The following MVK variants were observed in gnomAD, a reference collection of about 807,000 sequenced individuals.
MVK encodes mevalonate kinase.
In MVK, 34 loss-of-function variants were observed where a neutral mutation model predicts 43.2. That is an observed-to-expected ratio of 0.79 (90% confidence interval 0.60 to 1.05). MVK has a LOEUF of 1.05. MVK is among the 50% of genes least tolerant of loss of function. MVK has a pLI of 0.00. For missense variants in MVK, 395 were observed against 504.0 expected (o/e 0.78, Z 2.07); for synonymous variants, 190 against 219.8 (o/e 0.86, Z 1.20).
intron 5 of MVK, among the ~76,000 whole-genome samples, chr12:109,583,178 A>T (rs1885301320): frequency 1.3e-5 from 2 of 151,626 alleles, no homozygotes; most frequent in Admixed American, 1.3e-4. Context: ...TACATGTGCC[A>T]TGCTGGTGTG....
intron 5 of MVK, among the ~76,000 whole-genome samples, chr12:109,583,726 G>T (rs1885322677): frequency 6.6e-6 from 1 of 152,204 alleles, no homozygotes; most frequent in Admixed American, 6.5e-5. Flanking sequence ...CAGTGTAAAA[G>T]TGTTCCTATT....
At chr12:109,573,566 G>T (rs753337921), upstream of MVK, 3 of 1,473,738 alleles carry the variant, frequency 2.0e-6, no homozygotes, top group Non-Finnish European at 2.8e-6. Context: ...CCGCGCCACC[G>T]CTCAGGTTTC....
Position 109,591,325 on chromosome 12 carries a change from G to GCC in MVK, c.856_857dup (p.Ala287GlnfsTer15). Reference sequence around the variant, plus strand: ...GCGCGTGCTGGGAGAGATGGGGGAAGCCCCAGCCCCGGAGCAGTACCTCGT... The same window carrying GCC: ...GCGCGTGCTGGGAGAGATGGGGGAAGCCCCCCAGCCCCGGAGCAGTACCTCGT... On this transcript the variant is annotated frameshift_variant, in exon 9 of 11. Coordinates refer to ENST00000228510, the MANE Select transcript of MVK (RefSeq NM_000431.4). LOFTEE classifies it high-confidence loss of function. The GCC allele has an allele frequency of 6.2e-7, 1 of 1,614,034 alleles. No homozygotes were observed. The highest frequency in any genetic ancestry group is 8.5e-7 in the Non-Finnish European group (1 of 1,180,026).
intron 5 of MVK, among the ~76,000 whole-genome samples, chr12:109,584,002 T>TA: frequency 6.6e-6 from 1 of 152,346 alleles, no homozygotes; most frequent in East Asian, 1.9e-4. Flanking sequence ...GCTAAGAGCT[T>TA]GGGCTCCAAG....
At chr12:109,573,587 G>T, upstream of MVK, 1 of 1,342,634 alleles carries the variant, frequency 7.4e-7, no homozygotes, top group Non-Finnish European at 1.0e-6. Context: ...AATTTTTATT[G>T]GTTCGCAGTT....
intron 2 of MVK, among the ~76,000 whole-genome samples, chr12:109,575,732 T>C (rs906826865): frequency 2.6e-5 from 4 of 152,142 alleles, no homozygotes; most frequent in African/African-American, 4.8e-5. Flanking sequence ...ATTGAAAACA[T>C]GGTGATTATG....
At chr12:109,584,191 T>TA (rs1304572859) in intron 5 of MVK, among the ~76,000 whole-genome samples, 2 of 152,246 alleles carry the variant, frequency 1.3e-5, no homozygotes, top group Non-Finnish European at 2.9e-5. Flanking sequence ...GAGAAAGCAT[T>TA]TAGCACAATG....
intron 3 of MVK, among the ~76,000 whole-genome samples, chr12:109,578,946 A>T (rs772042068): frequency 1.4e-4 from 21 of 152,154 alleles, no homozygotes; most frequent in Non-Finnish European, 2.9e-4. Context: ...CTGCCCAGGC[A>T]CCGCCTCGCA....
chr12:109,576,641 C>T (rs559330600), intron 3 of MVK, among the ~76,000 whole-genome samples: 14 of 152,114 alleles, frequency 9.2e-5, no homozygotes, highest in African/African-American at 2.2e-4. Flanking sequence ...GAGGCCAAGG[C>T]GGGCGGATCA....
chr12:109,573,602 C>A (rs1447802772), upstream of MVK: 2 of 1,213,530 alleles, frequency 1.6e-6, no homozygotes, highest in African/African-American at 1.5e-5. Flanking sequence ...GCAGTTCTCA[C>A]CCCAGGGCGG....
In MVK at chr12:109,574,746, A is replaced by T; in HGVS notation, c.-14-63A>T. On this transcript the variant is annotated intron_variant, in intron 1 of 10. Coordinates refer to ENST00000228510, the MANE Select transcript of MVK (RefSeq NM_000431.4). ...ATGGGCTTGAACTAGGTGTTCTAAGATCTCTTCCTGCTGGTTCTGACATCT... is the reference window on the plus strand; with the variant it reads ...ATGGGCTTGAACTAGGTGTTCTAAGTTCTCTTCCTGCTGGTTCTGACATCT... The T allele has an allele frequency of 1.3e-5, 18 of 1,368,282 alleles. No homozygotes were observed. The South Asian group carries it at 2.1e-4, about 16-fold the overall frequency. The allele number at this position is 1,368,282 out of a possible 1,614,324, so 84.8% of individuals were successfully genotyped here. A position where few individuals can be genotyped will look rare whatever the true frequency, so the allele number is the denominator to read the frequency against.
rs1334018662 is a variant in MVK, at chr12:109,595,818, C to T, written c.1040-608C>T. Among the ~76,000 whole-genome samples the T allele has an allele frequency of 6.6e-6, 1 of 152,116 alleles. No homozygotes were observed. The highest frequency in any genetic ancestry group is 2.4e-5 in the African/African-American group (1 of 41,402). On this transcript the variant is annotated intron_variant, in intron 10 of 10. Transcript: ENST00000228510. This position sits in a 1 kb window ranked among gnomAD's most constrained non-coding sequence, Gnocchi z 5.9. ...TCCTTCTTTCTCTTTCTGTCTTTATCTCCTCCTCTCTGTTCTTCATCCTTC... is the reference window on the plus strand; with the variant it reads ...TCCTTCTTTCTCTTTCTGTCTTTATTTCCTCCTCTCTGTTCTTCATCCTTC...
At chr12:109,587,234 G>A (rs1885475798) in intron 7 of MVK, 1 of 251,370 alleles carries the variant, frequency 4.0e-6, no homozygotes, top group African/African-American at 2.2e-5. Flanking sequence ...GCCGCCACAG[G>A]ACAATGTGAG....
intron 4 of MVK, 116 bp from the exon 5 acceptor site, chr12:109,581,279 C>G (rs911140854): frequency 7.4e-7 from 1 of 1,342,908 alleles, no homozygotes; most frequent in Non-Finnish European, 1.1e-6. Flanking sequence ...AATTCTCCCC[C>G]AGTTGAGAAA....
intron 8 of MVK, 77 bp from the exon 9 acceptor site, chr12:109,591,164 C>T (rs771794518): frequency 2.4e-5 from 33 of 1,359,076 alleles, no homozygotes; most frequent in Non-Finnish European, 3.4e-5. Context: ...CTCCTCCCTC[C>T]ACCCCACTGC....
intron 9 of MVK, among the ~76,000 whole-genome samples, chr12:109,594,473 G>A (rs1885826230): frequency 6.6e-6 from 1 of 152,188 alleles, no homozygotes; most frequent in Non-Finnish European, 1.5e-5. Context: ...CTTGCAAATG[G>A]CAGAAATCCA....
In MVK at chr12:109,596,437, C is replaced by T. The variant is rs773929129; in HGVS notation, c.1051C>T (p.Pro351Ser). 8.7e-6 allele frequency: 14 copies of T among 1,613,386 alleles called. No homozygotes were observed. In the Admixed American group the frequency reaches 1.2e-4, roughly 13 times the overall value. ...TTCCCTCCCCGCAGGGCTGGAGCAG[C>T]CAGAAGTGGAGGCCACGAAGCAGGC... Reference protein sequence around the residue: ...ITLLKPGLEQPEVEATKQALT... With the variant: ...ITLLKPGLEQSEVEATKQALT... Residue 351 changes from proline to serine, a missense_variant, in exon 11 of 11, where the codon CCA becomes TCA. Physicochemically the swap from Pro to Ser is moderately conservative, Grantham distance 74. Transcript: ENST00000228510.
At chr12:109,573,726 T>C (rs1002444870), upstream of MVK, 13 of 573,102 alleles carry the variant, frequency 2.3e-5, no homozygotes, top group Non-Finnish European at 3.5e-5. Flanking sequence ...TTGGTAAAGG[T>C]ACTCCGGGCT....
chr12:109,593,799 T>C (rs1885794185), intron 9 of MVK, among the ~76,000 whole-genome samples: 1 of 147,772 alleles, frequency 6.8e-6, no homozygotes, highest in East Asian at 2.0e-4. Flanking sequence ...TCTTGGCTCA[T>C]TGCATCCTCC....
Sources: gnomAD v4.1 joint callset for allele counts (sites outside exome capture counted in the v4.1 genomes callset) on GRCh38, gnomAD v4.1.1 for gene constraint, Gnocchi (gnomAD v3.1) non-coding constraint, MANE v1.5 for transcripts, NCBI Gene and HGNC (gene_info 2026-07-23, HGNC 2026-07-21) for gene names.